Variants in PTK2 observed in about 807,000 individuals in gnomAD.
The protein encoded by PTK2 is focal adhesion kinase 1.
A neutral mutation model predicts 150.1 loss-of-function variants in PTK2; 45 were observed. That is an observed-to-expected ratio of 0.30 (90% confidence interval 0.24 to 0.38). The LOEUF (loss-of-function observed/expected upper bound fraction) is 0.38, where lower values mean the gene tolerates loss of function less well. Ranked by LOEUF, PTK2 falls within the 10% of genes least tolerant of loss-of-function variation. PTK2 has a pLI of 1.00. For missense variants in PTK2, 919 were observed against 1,307.3 expected (o/e 0.70, Z 4.58); for synonymous variants, 432 against 449.2 (o/e 0.96, Z 0.48).
intron 11 of PTK2, among the ~76,000 whole-genome samples, chr8:140,803,216 T>C (rs924402423): frequency 2.0e-5 from 3 of 151,982 alleles, no homozygotes; most frequent in African/African-American, 4.8e-5. Flanking sequence ...GGTTTCACCA[T>C]GTGAACCCTG....
chr8:140,817,768 G>A (rs751610348), intron 10 of PTK2, among the ~76,000 whole-genome samples: 3 of 152,204 alleles, frequency 2.0e-5, no homozygotes, highest in Non-Finnish European at 2.9e-5. Context: ...GAAATGGTCA[G>A]CACTTCTGCT....
chr8:140,680,508 G>A (rs188515467), intron 27 of PTK2, among the ~76,000 whole-genome samples: 4 of 152,162 alleles, frequency 2.6e-5, no homozygotes, highest in Admixed American at 2.6e-4. Flanking sequence ...TAATAAAGCA[G>A]TTCTGCATAA....
intron 30 of PTK2, among the ~76,000 whole-genome samples, chr8:140,666,183 C>T (rs1465541153): frequency 1.3e-5 from 2 of 152,054 alleles, no homozygotes; most frequent in Admixed American, 6.6e-5. Context: ...ACTAAAAATA[C>T]AAAAATAAGC....
intron 1 of PTK2, among the ~76,000 whole-genome samples, chr8:140,926,153 T>C (rs746746620): frequency 1.3e-5 from 2 of 152,216 alleles, no homozygotes; most frequent in Non-Finnish European, 2.9e-5. Flanking sequence ...TCCATGTACT[T>C]CACCAATTTG....
chr8:140,724,284 A>C (rs2100044572), intron 22 of PTK2, among the ~76,000 whole-genome samples: 1 of 152,174 alleles, frequency 6.6e-6, no homozygotes, highest in Admixed American at 6.5e-5. Flanking sequence ...AAAAATTAGT[A>C]AACTTCTAAG....
At chr8:140,998,709 C>A (rs2100198758) in intron 1 of PTK2, among the ~76,000 whole-genome samples, 1 of 150,660 alleles carries the variant, frequency 6.6e-6, no homozygotes, top group Non-Finnish European at 1.5e-5. Flanking sequence ...GTCCCAGCTA[C>A]TTGGGAGGCT....
At chr8:140,800,616 T>C (rs201773335) in intron 11 of PTK2, 40 bp from the exon 12 acceptor site, 37 of 1,512,234 alleles carry the variant, frequency 2.4e-5, no homozygotes, top group Non-Finnish European at 2.8e-5. Flanking sequence ...TTCATTGTTC[T>C]TCCCAGTAAG....
exon 25 of PTK2, chr8:140,702,621 A>G (rs2100031329): frequency 6.2e-7 from 1 of 1,613,968 alleles, no homozygotes; most frequent in Admixed American, 1.7e-5. Flanking sequence ...GATTCCATGA[A>G]TCTGTTTGGT....
At chr8:140,748,687 G>C (rs2100061025) in intron 17 of PTK2, among the ~76,000 whole-genome samples, 1 of 152,100 alleles carries the variant, frequency 6.6e-6, no homozygotes. Flanking sequence ...AGATGACCAA[G>C]AGGGCACTGC....
At chr8:140,883,140 T>G (rs796570954) in intron 3 of PTK2, among the ~76,000 whole-genome samples, 1 of 152,222 alleles carries the variant, frequency 6.6e-6, no homozygotes, top group African/African-American at 2.4e-5. Context: ...CCTTCACCAC[T>G]GTTCGAAATA....
intron 8 of PTK2, among the ~76,000 whole-genome samples, chr8:140,827,574 G>T (rs2100112568): frequency 6.6e-6 from 1 of 152,138 alleles, no homozygotes; most frequent in South Asian, 2.1e-4. Flanking sequence ...AGTAGGGAAG[G>T]CATAACCAAG....
chr8:140,864,933 T>C (rs1365130496), intron 4 of PTK2, among the ~76,000 whole-genome samples: 1 of 152,238 alleles, frequency 6.6e-6, no homozygotes, highest in South Asian at 2.1e-4. Context: ...GTTGCATATA[T>C]ACCTAGGAGC....
At chr8:140,981,878 G>A (rs2100191561) in intron 1 of PTK2, among the ~76,000 whole-genome samples, 1 of 152,176 alleles carries the variant, frequency 6.6e-6, no homozygotes, top group Non-Finnish European at 1.5e-5. Context: ...AACCAAGGCT[G>A]ACTTGGGTGT....
At chr8:140,728,709 C>T (rs920516322) in intron 22 of PTK2, among the ~76,000 whole-genome samples, 5 of 152,018 alleles carry the variant, frequency 3.3e-5, no homozygotes, top group Admixed American at 6.6e-5. Flanking sequence ...TTAGTAGAGG[C>T]GGGGTTTTAC....
intron 1 of PTK2, among the ~76,000 whole-genome samples, chr8:140,959,538 C>CAAAA (rs34010616): frequency 1.2e-5 from 1 of 85,058 alleles, no homozygotes; most frequent in Non-Finnish European, 2.2e-5. Flanking sequence ...GACTCTGTCT[C>CAAAA]AAAAAAAAAA....
rs549910884 is a variant in PTK2 at position 140,790,008 on chromosome 8, C to T, written c.1125-482G>A. Among the ~76,000 whole-genome samples, 9 of 152,232 alleles carry T rather than the reference C, an allele frequency of 5.9e-5. No individual in the cohort carries two copies. The South Asian group carries it at 1.9e-3, about 32-fold the overall frequency. ...ATACATTAATATGTACTATTACCTACATACTTAAAAAAGTAATCTCAATGT... is the reference window on the plus strand; with the variant it reads ...ATACATTAATATGTACTATTACCTATATACTTAAAAAAGTAATCTCAATGT... On this transcript the variant is annotated intron_variant, in intron 13 of 31. Transcript: ENST00000522684.
chr8:140,770,621 A>T, intron 14 of PTK2, 95 bp downstream of exon 15: 1 of 450,952 alleles, frequency 2.2e-6, no homozygotes, highest in African/African-American at 2.1e-5. Context: ...TAAAGCTATG[A>T]TCTGTTCAGG....
chr8:140,803,505 A>C (rs780169560), intron 11 of PTK2, 38 bp downstream of exon 11: 1 of 1,517,612 alleles, frequency 6.6e-7, no homozygotes, highest in South Asian at 1.1e-5. Flanking sequence ...TCCCTATTTA[A>C]CCATTTTCCC....
At chr8:140,860,375 G>A (rs1487706067) in intron 5 of PTK2, among the ~76,000 whole-genome samples, 1 of 152,218 alleles carries the variant, frequency 6.6e-6, no homozygotes, top group Admixed American at 6.5e-5. Context: ...TTTTACTTAC[G>A]GTAAAGATGG....
Sources: allele counts gnomAD v4.1 joint callset (sites outside exome capture counted in the v4.1 genomes callset), GRCh38; gene constraint gnomAD v4.1.1; transcripts MANE v1.5; gene names NCBI Gene and HGNC (gene_info 2026-07-23, HGNC 2026-07-21).